The following ADAM12 variants were observed in gnomAD, a reference collection of about 807,000 sequenced individuals.
ADAM12 encodes the protein disintegrin and metalloproteinase domain-containing protein 12.
ADAM12 carries 70 observed loss-of-function variants against 106.4 expected under a neutral mutation model. That is an observed-to-expected ratio of 0.66 (90% confidence interval 0.54 to 0.80). The LOEUF (loss-of-function observed/expected upper bound fraction) is 0.80, where lower values mean the gene tolerates loss of function less well. Among genes scored for constraint, ADAM12 ranks in the 30% least tolerant of loss-of-function variants. ADAM12 has a pLI of 0.00. For synonymous variants in ADAM12, 420 were observed against 433.5 expected, an observed-to-expected ratio of 0.97 and a Z score of 0.39; for missense variants, 1,010 against 1,171.9, an observed-to-expected ratio of 0.86 and a Z score of 2.02.
At chr10:126,082,961 A>T (rs529581191) in intron 11 of ADAM12, among the ~76,000 whole-genome samples, 24 of 152,288 alleles carry the variant, frequency 1.6e-4, no homozygotes, top group African/African-American at 5.8e-4. Context: ...AACAATAAAA[A>T]CTTTCAATCA....
chr10:126,156,965 C>A (rs1349355765), intron 3 of ADAM12, among the ~76,000 whole-genome samples: 1 of 152,024 alleles, frequency 6.6e-6, no homozygotes, highest in Non-Finnish European at 1.5e-5. Flanking sequence ...GTGCTGCCTG[C>A]CCTTTCCTGT....
chr10:126,164,336 C>T (rs1347256822), intron 3 of ADAM12, among the ~76,000 whole-genome samples: 3 of 152,200 alleles, frequency 2.0e-5, no homozygotes, highest in African/African-American at 4.8e-5. Context: ...TAAATCATGC[C>T]AGGCAATGTA....
At chr10:126,247,247 C>G (rs1958648495) in intron 3 of ADAM12, among the ~76,000 whole-genome samples, 1 of 152,164 alleles carries the variant, frequency 6.6e-6, no homozygotes, top group African/African-American at 2.4e-5. Flanking sequence ...CAAATGCGTC[C>G]TTTACTTAAA....
chr10:126,260,433 C>A (rs1958978542), intron 3 of ADAM12, among the ~76,000 whole-genome samples: 1 of 152,194 alleles, frequency 6.6e-6, no homozygotes, highest in Admixed American at 6.5e-5. Flanking sequence ...CATCTGAGGA[C>A]AAGAGATTGG....
intron 3 of ADAM12, among the ~76,000 whole-genome samples, chr10:126,247,065 A>G (rs1280277526): frequency 1.3e-5 from 2 of 152,224 alleles, no homozygotes; most frequent in African/African-American, 4.8e-5. Flanking sequence ...TTAAATACAA[A>G]TGGTTTCAAA....
chr10:126,129,150 C>T (rs184128479), intron 5 of ADAM12, among the ~76,000 whole-genome samples: 2 of 152,368 alleles, frequency 1.3e-5, no homozygotes, highest in African/African-American at 4.8e-5. Context: ...CAGCTTCAGT[C>T]GAACCTCTGT....
chr10:126,375,606 T>C (rs1564764042), intron 1 of ADAM12, among the ~76,000 whole-genome samples: 1 of 150,450 alleles, frequency 6.6e-6, no homozygotes, highest in Non-Finnish European at 1.5e-5. Context: ...TTAACAGAAC[T>C]GGGAAAGAGT....
At chr10:126,192,276 C>T (rs1957516893) in intron 3 of ADAM12, among the ~76,000 whole-genome samples, 3 of 152,146 alleles carry the variant, frequency 2.0e-5, no homozygotes, top group Admixed American at 1.3e-4. Flanking sequence ...AATATACATA[C>T]ATAAAATGTG....
intron 3 of ADAM12, among the ~76,000 whole-genome samples, chr10:126,220,728 T>C (rs1958074721): frequency 6.6e-6 from 1 of 152,226 alleles, no homozygotes; most frequent in Non-Finnish European, 1.5e-5. Flanking sequence ...ATAAAATAAT[T>C]GGCTTTGAAA....
intron 2 of ADAM12, among the ~76,000 whole-genome samples, chr10:126,317,231 G>A (rs1853911101): frequency 6.6e-6 from 1 of 152,204 alleles, no homozygotes; most frequent in Non-Finnish European, 1.5e-5. Context: ...CCTGCCAGGT[G>A]AGGCCGAGGA....
At chr10:126,036,358 C>A (rs773075367) in intron 20 of ADAM12, 33 bp from the exon 21 acceptor site, 5 of 1,551,564 alleles carry the variant, frequency 3.2e-6, no homozygotes, top group Non-Finnish European at 4.3e-6. Flanking sequence ...CATGCTATAG[C>A]GGGTTTCAAA....
chr10:126,214,209 A>G (rs538798435), intron 3 of ADAM12, among the ~76,000 whole-genome samples: 1 of 152,334 alleles, frequency 6.6e-6, no homozygotes, highest in South Asian at 2.1e-4. Flanking sequence ...CCGTGGTCGT[A>G]TGCGCAGAAC....
chr10:126,083,842 C>G (rs1955283370), intron 11 of ADAM12, among the ~76,000 whole-genome samples: 1 of 152,224 alleles, frequency 6.6e-6, no homozygotes. Context: ...TCTGACCACA[C>G]AGGCTCAAAC....
chr10:126,189,492 G>C (rs1019878792), intron 3 of ADAM12, among the ~76,000 whole-genome samples: 1 of 152,118 alleles, frequency 6.6e-6, no homozygotes, highest in Non-Finnish European at 1.5e-5. Context: ...CCACAAGTAC[G>C]GCTGCTCTAC....
At chr10:126,170,449 G>T (rs957523296) in intron 3 of ADAM12, among the ~76,000 whole-genome samples, 2 of 151,836 alleles carry the variant, frequency 1.3e-5, no homozygotes, top group Admixed American at 1.3e-4. Context: ...GAGGGCGGGG[G>T]GGGAGTCCCT....
chr10:126,366,641 T>TA (rs1855921425), intron 1 of ADAM12, among the ~76,000 whole-genome samples: 1 of 151,932 alleles, frequency 6.6e-6, no homozygotes, highest in African/African-American at 2.4e-5. Flanking sequence ...CAGAAAAGAT[T>TA]AAAATGCAAA....
At chr10:126,236,575 T>C (rs1335608715) in intron 3 of ADAM12, among the ~76,000 whole-genome samples, 1 of 151,270 alleles carries the variant, frequency 6.6e-6, no homozygotes, top group African/African-American at 2.4e-5. Context: ...CGGGGGGAGC[T>C]GAATGAGCAC....
At position 126,326,204 on chromosome 10, in the gene ADAM12, A is replaced by ATT. The variant is rs5788782; in HGVS notation, c.186+4206_186+4207dup. Among the ~76,000 whole-genome samples the ATT allele has an allele frequency of 6.9e-4, 102 of 147,300 alleles. 1 individual carries two copies. In the South Asian group the frequency reaches 0.015, roughly 22 times the overall value. On this transcript the variant is annotated intron_variant, in intron 2 of 22. Coordinates refer to ENST00000448723, the MANE Select transcript of ADAM12 (RefSeq NM_001288973.2). ...GTGCTCACTAAAATCACCGGGGAGT[A>ATT]TTTTTTTTTTTTTTAAGAAATCTGC...
rs143500417 is a variant in ADAM12 at position 126,159,166 on chromosome 10, C to T, written c.261-3861G>A. Among the ~76,000 whole-genome samples, 72 of 151,816 alleles carry T rather than the reference C, an allele frequency of 4.7e-4. No homozygotes were observed. In the East Asian group the frequency reaches 9.6e-3, roughly 20 times the overall value. On this transcript the variant is annotated intron_variant, in intron 3 of 22. Transcript: ENST00000448723. ...CTACTAAAAATACAAAAAAATTAGC[C>T]GGGCACGGTGGTGGGTGCCTGTGGT... is the stretch of plus-strand genomic sequence containing the variant.
Sources: gnomAD v4.1 joint callset for allele counts (sites outside exome capture counted in the v4.1 genomes callset) on GRCh38, gnomAD v4.1.1 for gene constraint, MANE v1.5 for transcripts, NCBI Gene and HGNC (gene_info 2026-07-23, HGNC 2026-07-21) for gene names.